Variants in PACS2 observed in about 807,000 individuals in gnomAD.
PACS2 encodes PACS1-like protein.
PACS2 carries 36 observed loss-of-function variants against 113.0 expected under a neutral mutation model. The ratio of observed to expected loss-of-function variants is 0.32; its 90% CI spans 0.24 to 0.42. PACS2 has a LOEUF of 0.42. Among genes scored for constraint, PACS2 ranks in the 10% least tolerant of loss-of-function variants. The pLI is 1.00. For synonymous variants in PACS2, 589 were observed against 536.1 expected (o/e 1.10, Z -1.36); for missense variants, 1,015 against 1,239.5 (o/e 0.82, Z 2.72).
chr14:105,354,918 G>T lies in PACS2; in HGVS notation c.298-134G>T. The T allele has an allele frequency of 1.3e-6, 1 of 786,178 alleles. No individual in the cohort carries two copies. Among genetic ancestry groups the T allele is most frequent in the Non-Finnish European group, 2.0e-6 (1 of 491,886 alleles). 48.7% of individuals were successfully genotyped at this position (786,178 alleles called of 1,614,324 possible). On this transcript the variant is annotated intron_variant, in intron 3 of 24. Transcript: ENST00000447393. This position sits in a 1 kb window ranked among gnomAD's most constrained non-coding sequence, Gnocchi z 4.2. ...CTGGGATGAACTTGGGGGCCCGTCTGTGGGTGCCCTTCCGATCTCATGGGC... is the reference window on the plus strand; with the variant it reads ...CTGGGATGAACTTGGGGGCCCGTCTTTGGGTGCCCTTCCGATCTCATGGGC...
chr14:105,355,198 G>A lies in PACS2; in HGVS notation c.423+21G>A. On this transcript the variant is annotated intron_variant, in intron 4 of 24. Transcript: ENST00000447393. This position sits in a 1 kb window ranked among gnomAD's most constrained non-coding sequence, Gnocchi z 4.1. ...CTGAGGTGAGTGCTCCGTCTGGCGT[G>A]GCCTGCGTCGGGCTGGCCACCTGGG... is the stretch of plus-strand genomic sequence containing the variant. 6.2e-7 allele frequency: 1 copy of A among 1,608,228 alleles called. No individual in the cohort carries two copies. The highest frequency in any genetic ancestry group is 8.5e-7 in the Non-Finnish European group (1 of 1,177,454).
In PACS2 at chr14:105,355,414, G is replaced by A. The variant is rs1254312830; in HGVS notation, c.423+237G>A. Among the ~76,000 whole-genome samples the A allele has an allele frequency of 1.3e-5, 2 of 152,228 alleles. No individual in the cohort carries two copies. ...TGGCTCCCCGCATGCCTGCAGCCGC[G>A]CGCACTCCCCTCTAACGAGCCTGTC... is the stretch of plus-strand genomic sequence containing the variant. On this transcript the variant is annotated intron_variant, in intron 4 of 24. Transcript: ENST00000447393. The surrounding 1 kb of genome is among the most constrained non-coding windows in gnomAD (Gnocchi z 4.1).
At chr14:105,394,274 T>G (rs1219098733) in intron 24 of PACS2, 11 of 984,888 alleles carry the variant, frequency 1.1e-5, no homozygotes, top group Non-Finnish European at 1.3e-5. Flanking sequence ...GGTGGTGGGG[T>G]CTGCTCCTTC....
intron 1 of PACS2, among the ~76,000 whole-genome samples, chr14:105,345,629 A>T (rs2059895230): frequency 6.6e-6 from 1 of 152,170 alleles, no homozygotes; most frequent in South Asian, 2.1e-4. Context: ...CAAGCATCCC[A>T]AGAGGATTTC....
At chr14:105,321,413 A>C (rs587702540) in intron 1 of PACS2, among the ~76,000 whole-genome samples, 3 of 151,556 alleles carry the variant, frequency 2.0e-5, no homozygotes, top group Non-Finnish European at 4.4e-5. Flanking sequence ...CCTAGGCTGG[A>C]GTGTAGTGGG....
chr14:105,359,041 C>T lies in PACS2; in HGVS notation c.423+3864C>T, dbSNP rs781936296. ...CACAGTTACTTTATTCCTGTGTGAA[C>T]TCAGTGTGGCCCAGGTGTCCAGGGC... On this transcript the variant is annotated intron_variant, in intron 4 of 24. Coordinates refer to ENST00000447393, the MANE Select transcript of PACS2 (RefSeq NM_001100913.3). Among the ~76,000 whole-genome samples, 10 of 152,336 alleles carry T rather than the reference C, an allele frequency of 6.6e-5. 1 individual carries two copies. Among genetic ancestry groups the T allele is most frequent in the African/African-American group, 2.4e-4 (10 of 41,572 alleles).
chr14:105,343,215 C>T (rs782298227), intron 1 of PACS2, among the ~76,000 whole-genome samples: 3 of 152,212 alleles, frequency 2.0e-5, no homozygotes, highest in Non-Finnish European at 4.4e-5. Context: ...CATCCTATCA[C>T]GTATCGATCT....
chr14:105,339,278 G>C (rs1208904134), intron 1 of PACS2, among the ~76,000 whole-genome samples: 1 of 152,012 alleles, frequency 6.6e-6, no homozygotes, highest in Non-Finnish European at 1.5e-5. Context: ...AGGTCAAGGT[G>C]GGGGGACCAC....
intron 24 of PACS2, 76 bp from the exon 25 acceptor site, chr14:105,394,478 G>C (rs1555415957): frequency 3.8e-6 from 6 of 1,591,054 alleles, no homozygotes; most frequent in Non-Finnish European, 4.3e-6. Context: ...ACCCAGCCTG[G>C]TGGGCCAGGC....
chr14:105,368,618 C>A (rs948336134), intron 7 of PACS2, 79 bp downstream of exon 7: 11 of 1,094,080 alleles, frequency 1.0e-5, no homozygotes, highest in Non-Finnish European at 1.6e-5. Context: ...GTGGGGGGGA[C>A]ACGGGCGTGG....
At chr14:105,313,930 A>C (rs1267545010), upstream of PACS2, among the ~76,000 whole-genome samples, 1 of 152,212 alleles carries the variant, frequency 6.6e-6, no homozygotes, top group African/African-American at 2.4e-5. Flanking sequence ...TGGGTCCCCA[A>C]GTTCACTGTT....
rs1003666253 is a variant in PACS2 at position 105,358,404 on chromosome 14, C to T, written c.423+3227C>T. Among the ~76,000 whole-genome samples, 3 of 152,218 alleles carry T rather than the reference C, an allele frequency of 2.0e-5. No homozygotes were observed. The highest frequency in any genetic ancestry group is 1.3e-4 in the Admixed American group (2 of 15,292). On this transcript the variant is annotated intron_variant, in intron 4 of 24. Coordinates refer to ENST00000447393, the MANE Select transcript of PACS2 (RefSeq NM_001100913.3). The surrounding 1 kb of genome is among the most constrained non-coding windows in gnomAD (Gnocchi z 4.9). Reference sequence around the variant, plus strand: ...AGGTGGTCCCTCTCAGAGGCAGCTCCGCAGAGGCAGGTGTGCGGTGGGGGC... The same window carrying T: ...AGGTGGTCCCTCTCAGAGGCAGCTCTGCAGAGGCAGGTGTGCGGTGGGGGC...
chr14:105,305,096 T>C (rs956256730), intron 1 of PACS2, among the ~76,000 whole-genome samples: 1 of 152,046 alleles, frequency 6.6e-6, no homozygotes, highest in East Asian at 1.9e-4. Context: ...ATGAGCGGGA[T>C]TAATGCCCTC....
At chr14:105,314,179 A>G (rs1378876703), upstream of PACS2, among the ~76,000 whole-genome samples, 2 of 150,148 alleles carry the variant, frequency 1.3e-5, no homozygotes, top group African/African-American at 4.9e-5. Context: ...GAACCCACGC[A>G]GGGGGGCGCG....
intron 21 of PACS2, 70 bp downstream of exon 21, chr14:105,391,319 T>G: frequency 8.5e-7 from 1 of 1,170,528 alleles, no homozygotes; most frequent in Admixed American, 1.7e-5. Flanking sequence ...GTCATTCGAG[T>G]CCTGCAGACC....
intron 22 of PACS2, chr14:105,392,151 G>T: frequency 3.1e-6 from 1 of 323,150 alleles, no homozygotes; most frequent in Non-Finnish European, 5.7e-6. Context: ...TAGCCCGCCC[G>T]GGTCTCTCCG....
intron 1 of PACS2, among the ~76,000 whole-genome samples, chr14:105,327,824 A>G (rs933312951): frequency 6.6e-6 from 1 of 152,138 alleles, no homozygotes; most frequent in Non-Finnish European, 1.5e-5. Context: ...CCGAGGGGCC[A>G]TTGACAACTG....
rs2140747407 is a variant in PACS2 at position 105,314,938 on chromosome 14, TCGGCCTCCC to T, written c.25_33del (p.Leu9_Gly11del). On this transcript the variant is annotated inframe_deletion, in exon 1 of 25. Coordinates refer to ENST00000447393, the MANE Select transcript of PACS2 (RefSeq NM_001100913.3). ...GGCGCCATGGCCGAGCGAGGCCGCC[TCGGCCTCCC>T]CGGCGCGCCCGGCGCGCTCAACACG... 2 of 1,139,032 alleles carry T rather than the reference TCGGCCTCCC, an allele frequency of 1.8e-6. No individual in the cohort carries two copies. The highest frequency in any genetic ancestry group is 2.2e-6 in the Non-Finnish European group (2 of 914,496). The allele number at this position is 1,139,032 out of a possible 1,614,324, so 70.6% of individuals were successfully genotyped here.
intron 8 of PACS2, among the ~76,000 whole-genome samples, chr14:105,374,390 T>C (rs2061267160): frequency 6.6e-6 from 1 of 152,234 alleles, no homozygotes; most frequent in Non-Finnish European, 1.5e-5. Context: ...AACAGAAGAA[T>C]GTTTTTTGCA....
Sources: allele counts gnomAD v4.1 joint callset (sites outside exome capture counted in the v4.1 genomes callset), GRCh38; gene constraint gnomAD v4.1.1; non-coding constraint Gnocchi (gnomAD v3.1); transcripts MANE v1.5; gene names NCBI Gene and HGNC (gene_info 2026-07-23, HGNC 2026-07-21).